Variants in KCNQ5 observed in about 807,000 individuals in gnomAD.
KCNQ5 encodes potassium voltage-gated channel subfamily KQT member 5.
A neutral mutation model predicts 98.2 loss-of-function variants in KCNQ5; 30 were observed. That is an observed-to-expected ratio of 0.31 (90% CI 0.23 to 0.41). KCNQ5 has a LOEUF of 0.41. KCNQ5 is among the 10% of genes least tolerant of loss of function. The probability of loss-of-function intolerance (pLI) is 1.00; values close to 1 mark genes in which losing one functional copy is unlikely to be tolerated. For synonymous variants in KCNQ5, 458 were observed against 449.4 expected, an observed-to-expected ratio of 1.02 and a Z score of -0.24; for missense variants, 835 against 1,182.5, an observed-to-expected ratio of 0.71 and a Z score of 4.31.
chr6:73,025,623 CAAAAAAAAAAAAAAAAAAA>C (rs58607159), intron 2 of KCNQ5, among the ~76,000 whole-genome samples: 6,893 of 53,008 alleles, frequency 0.13, 711 homozygotes, highest in African/African-American at 0.27. Flanking sequence ...AACTCCATCT[CAAAAAAAAAAAAAAAAAAA>C]AAAAAAAAAA....
chr6:73,194,615 C>T lies in KCNQ5; in HGVS notation c.2000C>T (p.Ser667Leu), dbSNP rs747182315. 3.7e-6 allele frequency: 6 copies of T among 1,614,084 alleles called. No individual in the cohort carries two copies. The highest frequency in any genetic ancestry group is 2.2e-5 in the East Asian group (1 of 44,890). ...YQSPVDSKDL[S>L]GSAQNSGCLS... ...AGCCCTGTGGATAGCAAAGATCTTT[C>T]GGGTTCCGCACAAAACAGTGGCTGC... The change falls in exon 14 of 14, where the codon TCG (serine) becomes TTG (leucine). Residue 667 changes from serine to leucine, a missense_variant. This residue lies in a region of KCNQ5 where 416 missense variants were observed against 446.9 expected (regional missense o/e 0.93). Coordinates refer to ENST00000370398, the MANE Select transcript of KCNQ5 (RefSeq NM_019842.4).
chr6:72,911,707 C>T (rs1033720783), intron 1 of KCNQ5, among the ~76,000 whole-genome samples: 11 of 152,084 alleles, frequency 7.2e-5, no homozygotes, highest in Non-Finnish European at 1.2e-4. Flanking sequence ...AGCATGGTAG[C>T]TGTCAGTGAG....
chr6:72,974,889 G>A (rs765047326), intron 1 of KCNQ5, among the ~76,000 whole-genome samples: 6 of 151,784 alleles, frequency 4.0e-5, no homozygotes, highest in Non-Finnish European at 5.9e-5. Flanking sequence ...ACAGGTGCAC[G>A]GCACACCCGG....
chr6:72,999,386 A>T (rs1156312065), intron 1 of KCNQ5, among the ~76,000 whole-genome samples: 1 of 152,246 alleles, frequency 6.6e-6, no homozygotes, highest in Admixed American at 6.5e-5. Flanking sequence ...CTAGATCAAA[A>T]TGAATTTCCT....
chr6:72,687,985 C>T (rs1368751266), intron 1 of KCNQ5, among the ~76,000 whole-genome samples: 2 of 151,860 alleles, frequency 1.3e-5, no homozygotes, highest in African/African-American at 2.4e-5. Context: ...ACTACAGGTG[C>T]GCATCACCAT....
intron 1 of KCNQ5, among the ~76,000 whole-genome samples, chr6:72,830,830 A>G (rs1776228154): frequency 6.6e-6 from 1 of 152,156 alleles, no homozygotes; most frequent in Admixed American, 6.5e-5. Context: ...TTTGCAATCT[A>G]CTCATCTGAC....
At chr6:72,716,850 A>G (rs1239842851) in intron 1 of KCNQ5, among the ~76,000 whole-genome samples, 1 of 152,160 alleles carries the variant, frequency 6.6e-6, no homozygotes. Context: ...CTTTTTTCTC[A>G]TCTTTAACCA....
chr6:73,046,311 TA>T (rs1438079836), intron 3 of KCNQ5, among the ~76,000 whole-genome samples: 1 of 152,182 alleles, frequency 6.6e-6, no homozygotes, highest in East Asian at 1.9e-4. Flanking sequence ...TATTTTCTGT[TA>T]GTCATACACT....
At chr6:73,045,958 A>G (rs1385581281) in intron 3 of KCNQ5, among the ~76,000 whole-genome samples, 5 of 152,142 alleles carry the variant, frequency 3.3e-5, no homozygotes, top group Non-Finnish European at 7.3e-5. Flanking sequence ...TTTTCAGTGT[A>G]ATTATTTCCA....
intron 10 of KCNQ5, among the ~76,000 whole-genome samples, chr6:73,151,652 A>G (rs1777154091): frequency 6.6e-6 from 1 of 152,204 alleles, no homozygotes. Flanking sequence ...CAGGTAACCA[A>G]TCAGTCCCAT....
chr6:72,702,052 C>T (rs1392314570), intron 1 of KCNQ5, among the ~76,000 whole-genome samples: 2 of 152,126 alleles, frequency 1.3e-5, no homozygotes, highest in Non-Finnish European at 2.9e-5. Flanking sequence ...CTCCATGTTA[C>T]ATCTTCATAC....
chr6:73,142,410 C>A (rs938982768), intron 10 of KCNQ5, among the ~76,000 whole-genome samples: 3 of 152,078 alleles, frequency 2.0e-5, no homozygotes, highest in Admixed American at 6.6e-5. Flanking sequence ...TTCCTTTCGA[C>A]CTCTCCGTTA....
intron 2 of KCNQ5, among the ~76,000 whole-genome samples, chr6:73,016,531 A>T (rs1228323403): frequency 1.3e-5 from 2 of 152,170 alleles, no homozygotes; most frequent in Non-Finnish European, 2.9e-5. Flanking sequence ...TGACATGTTC[A>T]TGGAATCATG....
intron 1 of KCNQ5, among the ~76,000 whole-genome samples, chr6:72,930,177 C>A (rs1169779590): frequency 1.3e-5 from 2 of 151,744 alleles, no homozygotes; most frequent in East Asian, 3.9e-4. Context: ...AACAGTGTTC[C>A]TTATGTGGAG....
intron 1 of KCNQ5, among the ~76,000 whole-genome samples, chr6:72,792,200 G>T (rs1243378138): frequency 6.6e-6 from 1 of 152,082 alleles, no homozygotes; most frequent in African/African-American, 2.4e-5. Context: ...TTAAATATTT[G>T]TTTGTCCTCT....
chr6:73,090,117 G>A (rs1334769694), intron 5 of KCNQ5, among the ~76,000 whole-genome samples: 1 of 61,696 alleles, frequency 1.6e-5, no homozygotes, highest in Non-Finnish European at 6.8e-5. Flanking sequence ...GCAGGACTAA[G>A]GTGGTATCAC....
intron 1 of KCNQ5, among the ~76,000 whole-genome samples, chr6:72,914,116 C>T (rs1780043504): frequency 6.6e-6 from 1 of 152,030 alleles, no homozygotes; most frequent in African/African-American, 2.4e-5. Context: ...TGTCAAATAC[C>T]AAGGTGACAT....
chr6:72,772,234 C>T (rs760639964), intron 1 of KCNQ5, among the ~76,000 whole-genome samples: 3 of 152,028 alleles, frequency 2.0e-5, no homozygotes, highest in Non-Finnish European at 2.9e-5. Context: ...GAGAATACAT[C>T]GATGCAAAAG....
intron 1 of KCNQ5, among the ~76,000 whole-genome samples, chr6:73,000,449 A>G (rs1040925650): frequency 2.6e-5 from 4 of 152,188 alleles, no homozygotes; most frequent in African/African-American, 7.2e-5. Context: ...CATGTTCCAT[A>G]CATTTACTTT....
Sources: gnomAD v4.1 joint callset for allele counts (sites outside exome capture counted in the v4.1 genomes callset) on GRCh38, gnomAD v4.1.1 for gene constraint, gnomAD v4.1.1 regional missense constraint, MANE v1.5 for transcripts, NCBI Gene and HGNC (gene_info 2026-07-23, HGNC 2026-07-21) for gene names.